Variants in EGLN1 observed in about 807,000 individuals in gnomAD.
EGLN1 encodes egl-9 family hypoxia inducible factor 1, also known as egl nine homolog 1.
Under a neutral mutation model 38.3 loss-of-function variants are expected in EGLN1, and 17 were observed. The observed-to-expected ratio is 0.44, with a 90% CI of 0.30 to 0.67. The LOEUF (loss-of-function observed/expected upper bound fraction) is 0.67, where lower values mean the gene tolerates loss of function less well. EGLN1 is among the 30% of genes least tolerant of loss of function. The probability of loss-of-function intolerance (pLI) is 0.08; values close to 1 mark genes in which losing one functional copy is unlikely to be tolerated. For synonymous variants in EGLN1, 283 were observed against 257.5 expected (o/e 1.10, Z -0.95); for missense variants, 477 against 603.3 (o/e 0.79, Z 2.19).
At chr1:231,418,862 CAAAAAA>C (rs746584010) in intron 1 of EGLN1, among the ~76,000 whole-genome samples, 2 of 94,410 alleles carry the variant, frequency 2.1e-5, no homozygotes, top group Admixed American at 1.1e-4. Context: ...ACCCTGTCTC[CAAAAAA>C]AAAAAAAAAA....
At chr1:231,372,560 TTAAC>T (rs1370593360) in intron 2 of EGLN1, among the ~76,000 whole-genome samples, 5 of 152,236 alleles carry the variant, frequency 3.3e-5, no homozygotes, top group Non-Finnish European at 7.3e-5. Flanking sequence ...TTTTTAAATT[TTAAC>T]TAAAGTTACA....
At chr1:231,405,476 C>T (rs1688765280) in intron 1 of EGLN1, among the ~76,000 whole-genome samples, 1 of 152,126 alleles carries the variant, frequency 6.6e-6, no homozygotes, top group Non-Finnish European at 1.5e-5. Context: ...CATGCCCAGC[C>T]AATATAACTA....
intron 1 of EGLN1, among the ~76,000 whole-genome samples, chr1:231,378,590 C>T (rs1163671310): frequency 6.6e-6 from 1 of 152,110 alleles, no homozygotes; most frequent in African/African-American, 2.4e-5. Flanking sequence ...GACACCGTGC[C>T]TGGCTGATTG....
chr1:231,369,501 A>C (rs1687758399), intron 3 of EGLN1: 2 of 900,350 alleles, frequency 2.2e-6, no homozygotes, highest in South Asian at 1.0e-4. Context: ...GAGACATGGG[A>C]TTGAAAAGGG....
At chr1:231,379,264 T>C (rs1161922516) in intron 1 of EGLN1, among the ~76,000 whole-genome samples, 2 of 152,192 alleles carry the variant, frequency 1.3e-5, no homozygotes, top group Admixed American at 6.5e-5. Context: ...CAGTGGCACA[T>C]GCTCATGCCT....
intron 1 of EGLN1, among the ~76,000 whole-genome samples, chr1:231,416,440 T>A (rs1689085401): frequency 6.6e-6 from 1 of 151,864 alleles, no homozygotes; most frequent in South Asian, 2.1e-4. Flanking sequence ...AAAAAAATTT[T>A]TTTTTTTTTT....
chr1:231,381,606 C>T (rs373005284), intron 1 of EGLN1, among the ~76,000 whole-genome samples: 104 of 152,198 alleles, frequency 6.8e-4, no homozygotes, highest in African/African-American at 2.3e-3. Context: ...ATGATGCTCC[C>T]GACAGTATAA....
At chr1:231,387,576 G>A (rs1688254299) in intron 1 of EGLN1, among the ~76,000 whole-genome samples, 1 of 151,926 alleles carries the variant, frequency 6.6e-6, no homozygotes, top group Non-Finnish European at 1.5e-5. Context: ...AGCCAGGATG[G>A]TCTCGATCTC....
At chr1:231,403,184 A>G (rs891532209) in intron 1 of EGLN1, among the ~76,000 whole-genome samples, 1 of 152,182 alleles carries the variant, frequency 6.6e-6, no homozygotes, top group Admixed American at 6.5e-5. Flanking sequence ...TAAATGTCTC[A>G]TATGTACTTG....
At chr1:231,415,421 TTC>T (rs1689054906) in intron 1 of EGLN1, among the ~76,000 whole-genome samples, 1 of 152,058 alleles carries the variant, frequency 6.6e-6, no homozygotes, top group Non-Finnish European at 1.5e-5. Context: ...TGGGACTTTT[TTC>T]TCTTAAAAAA....
At chr1:231,391,053 C>CGTGT (rs578251793) in intron 1 of EGLN1, among the ~76,000 whole-genome samples, 8 of 94,580 alleles carry the variant, frequency 8.5e-5, no homozygotes, top group South Asian at 3.7e-4. Flanking sequence ...ACGACCGACG[C>CGTGT]GTGTGTGTGT....
intron 3 of EGLN1, chr1:231,369,462 C>A: frequency 4.2e-6 from 2 of 474,596 alleles, no homozygotes; most frequent in Non-Finnish European, 5.5e-6. Flanking sequence ...CAGCAGGGGG[C>A]AGAGACAGCA....
intron 4 of EGLN1, 47 bp downstream of exon 4, chr1:231,367,522 G>A: frequency 1.9e-6 from 3 of 1,560,456 alleles, no homozygotes; most frequent in Non-Finnish European, 2.7e-6. Context: ...TCACCTGATT[G>A]CAGGGTATTT....
chr1:231,382,995 G>A (rs1374444452), intron 1 of EGLN1, among the ~76,000 whole-genome samples: 1 of 148,910 alleles, frequency 6.7e-6, no homozygotes, highest in African/African-American at 2.5e-5. Flanking sequence ...GAGGTGGAGG[G>A]TGCAGTGAGC....
rs199903843 is a variant in EGLN1, at chr1:231,369,680, AAC to A, written c.1148+880_1148+881del. The stretch of plus-strand genomic sequence containing the variant: ...AGCTGATAATCAAGTCGTTAGAGTC[AAC>A]CATCATTACTAAAGCCAACTCTCCA... On this transcript the variant is annotated intron_variant, in intron 3 of 4. Coordinates refer to ENST00000366641, the MANE Select transcript of EGLN1 (RefSeq NM_022051.3). 139 of 801,682 alleles carry A rather than the reference AAC, an allele frequency of 1.7e-4. 1 individual carries two copies. The East Asian group carries it at 0.01, about 58-fold the overall frequency. The allele number at this position is 801,682 out of a possible 1,614,324, so 49.7% of individuals were successfully genotyped here. A position where few individuals can be genotyped will look rare whatever the true frequency, so the allele number is the denominator to read the frequency against.
intron 2 of EGLN1, among the ~76,000 whole-genome samples, chr1:231,373,669 C>CAT (rs1553349945): frequency 8.4e-6 from 1 of 119,674 alleles, no homozygotes; most frequent in East Asian, 2.4e-4. Flanking sequence ...CCCCTAACCT[C>CAT]GTGTGTGCGT....
chr1:231,419,573 C>G (rs2102945200), intron 1 of EGLN1, among the ~76,000 whole-genome samples: 1 of 148,032 alleles, frequency 6.8e-6, no homozygotes, highest in African/African-American at 2.6e-5. Flanking sequence ...GCCCTGACAA[C>G]TTTCTTAAAA....
At chr1:231,418,417 A>C (rs2102943953) in intron 1 of EGLN1, among the ~76,000 whole-genome samples, 1 of 152,298 alleles carries the variant, frequency 6.6e-6, no homozygotes, top group Admixed American at 6.5e-5. Context: ...TCTACCTATA[A>C]CTAGCGTAGT....
chr1:231,364,917 CATGT>C lies in EGLN1; in HGVS notation c.*1490_*1493del, dbSNP rs949919929. 1.5e-4 allele frequency: 23 copies of C among 152,268 alleles called. No homozygotes were observed. The highest frequency in any genetic ancestry group is 4.3e-4 in the African/African-American group (18 of 41,560). 9.4% of individuals were successfully genotyped at this position (152,268 alleles called of 1,614,324 possible). On this transcript the variant is annotated 3_prime_UTR_variant, in exon 5 of 5. Transcript: ENST00000366641. ...CCGTCCCAATTCATTCTTTAAATAA[CATGT>C]ATGTGAGGCCTTGTGTGATTTTCTA...
Sources: gnomAD v4.1 joint callset for allele counts (sites outside exome capture counted in the v4.1 genomes callset) on GRCh38, gnomAD v4.1.1 for gene constraint, MANE v1.5 for transcripts, NCBI Gene and HGNC (gene_info 2026-07-23, HGNC 2026-07-21) for gene names.